Variants in PEBP4 observed in about 807,000 individuals in gnomAD.
PEBP4 encodes the protein phosphatidylethanolamine binding protein 4, also known as phosphatidylethanolamine-binding protein 4.
In PEBP4, 22 loss-of-function variants were observed where a neutral mutation model predicts 23.9. The ratio of observed to expected loss-of-function variants is 0.92; its 90% CI spans 0.66 to 1.31. The LOEUF (loss-of-function observed/expected upper bound fraction) is 1.31, where lower values mean the gene tolerates loss of function less well. Among genes scored for constraint, PEBP4 ranks in the 40% most tolerant of loss-of-function variants. The pLI, the probability that PEBP4 is intolerant of heterozygous loss-of-function variation, is 0.00. For missense variants in PEBP4, 324 were observed against 281.7 expected (o/e 1.15, Z -1.07); for synonymous variants, 112 against 99.3 (o/e 1.13, Z -0.76).
At chr8:22,813,694 A>G (rs952812132) in intron 4 of PEBP4, among the ~76,000 whole-genome samples, 4 of 152,240 alleles carry the variant, frequency 2.6e-5, no homozygotes, top group African/African-American at 4.8e-5. Flanking sequence ...TCGGGGAGAA[A>G]GATGTTATCT....
chr8:22,803,648 A>G (rs1195758139), intron 4 of PEBP4, among the ~76,000 whole-genome samples: 1 of 152,154 alleles, frequency 6.6e-6, no homozygotes, highest in East Asian at 1.9e-4. Flanking sequence ...TGGGCAACAG[A>G]GCAAGACTCC....
At chr8:22,897,015 A>G (rs1331374720) in intron 3 of PEBP4, among the ~76,000 whole-genome samples, 1 of 151,448 alleles carries the variant, frequency 6.6e-6, no homozygotes, top group African/African-American at 2.4e-5. Flanking sequence ...ATATACACAT[A>G]TATCTGTGTG....
At chr8:22,880,408 G>A (rs1808224341) in intron 3 of PEBP4, 3 of 152,124 alleles carry the variant, frequency 2.0e-5, no homozygotes, top group Admixed American at 2.0e-4. Context: ...ATGCAGATGG[G>A]GGCTATAGAT....
In PEBP4 at chr8:22,855,568, G is replaced by A. The variant is rs73215083; in HGVS notation, c.259-37833C>T. On this transcript the variant is annotated intron_variant, in intron 3 of 6. Transcript: ENST00000256404. ...CACCCCTGAGGTTAAGTCTTCTGCA[G>A]AGAAAATTGCTGGAAGTATTATGTC... 5.6e-3 allele frequency among the ~76,000 whole-genome samples: 849 copies of A among 152,256 alleles called. 9 individuals are homozygous for A. Among genetic ancestry groups the A allele is most frequent in the Non-Finnish European group, 9.6e-3 (651 of 68,010 alleles).
At chr8:22,880,746 C>T (rs955255335) in intron 3 of PEBP4, among the ~76,000 whole-genome samples, 1 of 152,168 alleles carries the variant, frequency 6.6e-6, no homozygotes, top group Non-Finnish European at 1.5e-5. Context: ...TGTGGAGTGG[C>T]CCAGGTGGAC....
At chr8:22,794,162 AT>A (rs1194443241) in intron 4 of PEBP4, among the ~76,000 whole-genome samples, 1 of 152,074 alleles carries the variant, frequency 6.6e-6, no homozygotes, top group East Asian at 1.9e-4. Context: ...TCTACTTAGT[AT>A]TTTTCTATTG....
intron 3 of PEBP4, among the ~76,000 whole-genome samples, chr8:22,907,435 C>T (rs1244968061): frequency 6.6e-6 from 1 of 152,086 alleles, no homozygotes; most frequent in African/African-American, 2.4e-5. Flanking sequence ...TCACTTGAAC[C>T]CGGGAGGCAG....
chr8:22,787,996 G>C lies in PEBP4; in HGVS notation c.357+29641C>G, dbSNP rs35103289. On this transcript the variant is annotated intron_variant, in intron 4 of 6. Transcript: ENST00000256404. ...GAGCGTGCAGGGGGAGGCGTGCAACGGGCCCACAGGCTTGGAGCTCTGGCA... is the reference window on the plus strand; with the variant it reads ...GAGCGTGCAGGGGGAGGCGTGCAACCGGCCCACAGGCTTGGAGCTCTGGCA... Among the ~76,000 whole-genome samples, 1,234 of 152,248 alleles carry C rather than the reference G, an allele frequency of 8.1e-3. 7 individuals carry two copies. The highest frequency in any genetic ancestry group is 0.013 in the Non-Finnish European group (910 of 68,028).
At chr8:22,908,350 A>G (rs1351050000) in intron 3 of PEBP4, among the ~76,000 whole-genome samples, 1 of 151,884 alleles carries the variant, frequency 6.6e-6, no homozygotes, top group Non-Finnish European at 1.5e-5. Context: ...AGTGTGGGTC[A>G]TGGAGGCCAA....
rs368497848 is a variant in PEBP4 at position 22,927,823 on chromosome 8, C to T, written c.-7G>A. 1.4e-6 allele frequency: 2 copies of T among 1,448,098 alleles called. No homozygotes were observed. The allele number at this position is 1,448,098 out of a possible 1,614,324, so 89.7% of individuals were successfully genotyped here. On this transcript the variant is annotated splice_region_variant and 5_prime_UTR_variant, in exon 1 of 7. Transcript: ENST00000256404. ...GGGGCCCACTTGGCAGGATAGAGAC[C>T]TCTGGTTAAGCACAGGGAGAAGGAC...
At chr8:22,879,565 GA>G (rs1339953406) in intron 3 of PEBP4, among the ~76,000 whole-genome samples, 1 of 152,196 alleles carries the variant, frequency 6.6e-6, no homozygotes, top group Non-Finnish European at 1.5e-5. Context: ...AGATAGGATA[GA>G]TCACAGGCTC....
intron 4 of PEBP4, among the ~76,000 whole-genome samples, chr8:22,748,956 T>C (rs1295340791): frequency 1.3e-5 from 2 of 152,162 alleles, no homozygotes; most frequent in East Asian, 3.9e-4. Flanking sequence ...ACATCAATGC[T>C]TTTTGCTCTG....
At chr8:22,728,838 T>C (rs1253208666) in intron 4 of PEBP4, among the ~76,000 whole-genome samples, 1 of 152,156 alleles carries the variant, frequency 6.6e-6, no homozygotes, top group African/African-American at 2.4e-5. Flanking sequence ...CCTCAGGTGA[T>C]CCACCCGCCT....
At chr8:22,731,710 G>C (rs1804740046) in intron 4 of PEBP4, among the ~76,000 whole-genome samples, 1 of 151,898 alleles carries the variant, frequency 6.6e-6, no homozygotes, top group African/African-American at 2.4e-5. Flanking sequence ...CCAGGCTGGA[G>C]TGCAGTGGCA....
chr8:22,819,807 C>T lies in PEBP4; in HGVS notation c.259-2072G>A, dbSNP rs573741950. On this transcript the variant is annotated intron_variant, in intron 3 of 6. Coordinates refer to ENST00000256404, the MANE Select transcript of PEBP4 (RefSeq NM_144962.3). ...ATTTTTAGTAGAGACGGGGTTTCAC[C>T]GTGTTAGCCAGGATGGTCTCGATCT... Among the ~76,000 whole-genome samples the T allele has an allele frequency of 1.4e-4, 21 of 152,244 alleles. No individual in the cohort carries two copies. In the South Asian group the frequency reaches 2.7e-3, roughly 20 times the overall value.
At chr8:22,719,761 C>A (rs1001436827) in intron 6 of PEBP4, among the ~76,000 whole-genome samples, 4 of 152,184 alleles carry the variant, frequency 2.6e-5, no homozygotes, top group African/African-American at 9.7e-5. Flanking sequence ...CACTGTCCTG[C>A]CCCCTTGACA....
chr8:22,785,163 A>G (rs900629474), intron 4 of PEBP4, among the ~76,000 whole-genome samples: 4 of 152,164 alleles, frequency 2.6e-5, no homozygotes, highest in African/African-American at 9.7e-5. Context: ...GGGGCCCGGC[A>G]ACTTCTCTCT....
intron 3 of PEBP4, among the ~76,000 whole-genome samples, chr8:22,876,539 GGAGA>G (rs964113211): frequency 1.3e-5 from 2 of 152,186 alleles, no homozygotes; most frequent in African/African-American, 4.8e-5. Flanking sequence ...AAGAAACTCA[GGAGA>G]GAGGTCACCA....
At chr8:22,905,716 T>C (rs1341703837) in intron 3 of PEBP4, among the ~76,000 whole-genome samples, 1 of 152,226 alleles carries the variant, frequency 6.6e-6, no homozygotes, top group Non-Finnish European at 1.5e-5. Context: ...ACGCAGGACC[T>C]GACCTGCCTG....
Sources: gnomAD v4.1 joint callset for allele counts (sites outside exome capture counted in the v4.1 genomes callset) on GRCh38, gnomAD v4.1.1 for gene constraint, MANE v1.5 for transcripts, NCBI Gene and HGNC (gene_info 2026-07-23, HGNC 2026-07-21) for gene names.